SLC25A48: variants seen among roughly 807,000 people sequenced by gnomAD.
SLC25A48 encodes the protein solute carrier family 25 member 48.
A neutral mutation model predicts 32.2 loss-of-function variants in SLC25A48; 29 were observed. The observed-to-expected ratio is 0.90, with a 90% CI of 0.67 to 1.23. The LOEUF (loss-of-function observed/expected upper bound fraction) is 1.23. Among genes scored for constraint, SLC25A48 ranks in the 50% most tolerant of loss-of-function variants. The pLI, the probability that SLC25A48 is intolerant of heterozygous loss-of-function variation, is 0.00. For missense variants in SLC25A48, 399 were observed against 422.7 expected, an observed-to-expected ratio of 0.94 and a Z score of 0.49; for synonymous variants, 164 against 172.3, an observed-to-expected ratio of 0.95 and a Z score of 0.38.
chr5:135,792,957 A>T (rs1185493080), intron 3 of SLC25A48, among the ~76,000 whole-genome samples: 1 of 151,404 alleles, frequency 6.6e-6, no homozygotes, highest in Non-Finnish European at 1.5e-5. Flanking sequence ...GTCACAGTGG[A>T]TATACACCAT....
chr5:135,630,519 C>T (rs536047426), intron 2 of SLC25A48, among the ~76,000 whole-genome samples: 1 of 148,732 alleles, frequency 6.7e-6, no homozygotes, highest in South Asian at 2.2e-4. Context: ...CTAAACATTC[C>T]TCTTTCTTCT....
chr5:135,677,970 A>C (rs555688424), intron 3 of SLC25A48, among the ~76,000 whole-genome samples: 1 of 152,142 alleles, frequency 6.6e-6, no homozygotes, highest in Non-Finnish European at 1.5e-5. Flanking sequence ...TTGACTTTAG[A>C]CAATTTGACT....
chr5:135,658,350 G>A (rs1373272317), intron 3 of SLC25A48, among the ~76,000 whole-genome samples: 2 of 152,158 alleles, frequency 1.3e-5, no homozygotes, highest in Non-Finnish European at 2.9e-5. Context: ...AATCTCCTTT[G>A]ACTTCGTGTC....
intron 3 of SLC25A48, among the ~76,000 whole-genome samples, chr5:135,737,924 A>G (rs1755413883): frequency 6.6e-6 from 1 of 152,300 alleles, no homozygotes; most frequent in Non-Finnish European, 1.5e-5. Context: ...GGCCTCGGGC[A>G]CCTTCTACAG....
At chr5:135,807,469 G>T (rs1757489488) in intron 3 of SLC25A48, among the ~76,000 whole-genome samples, 1 of 150,228 alleles carries the variant, frequency 6.7e-6, no homozygotes, top group South Asian at 2.1e-4. Flanking sequence ...ATGTCATAGT[G>T]TGTTAACACT....
At chr5:135,760,682 C>T (rs535040711) in intron 3 of SLC25A48, among the ~76,000 whole-genome samples, 27 of 152,192 alleles carry the variant, frequency 1.8e-4, no homozygotes, top group Admixed American at 1.4e-3. Flanking sequence ...CTAAGTCACC[C>T]GGGAAATTGA....
chr5:135,752,487 C>T (rs960715424), intron 3 of SLC25A48, among the ~76,000 whole-genome samples: 3 of 152,206 alleles, frequency 2.0e-5, no homozygotes, highest in Non-Finnish European at 4.4e-5. Flanking sequence ...ATGGTGTACA[C>T]CCACTGTGAT....
At chr5:135,857,697 T>C (rs1172988974) in intron 4 of SLC25A48, among the ~76,000 whole-genome samples, 1 of 151,948 alleles carries the variant, frequency 6.6e-6, no homozygotes, top group African/African-American at 2.4e-5. Context: ...GGAAATACAA[T>C]GGGCTGTCAG....
intron 3 of SLC25A48, among the ~76,000 whole-genome samples, chr5:135,753,587 G>C (rs879776097): frequency 8.6e-5 from 13 of 151,640 alleles, no homozygotes; most frequent in Admixed American, 8.5e-4. Context: ...AATATCTCAA[G>C]AATATTATGC....
At chr5:135,598,368 A>G (rs1266364285) in intron 1 of SLC25A48, among the ~76,000 whole-genome samples, 1 of 152,206 alleles carries the variant, frequency 6.6e-6, no homozygotes. Flanking sequence ...TGTGCCAGGA[A>G]CTTGGACCAC....
chr5:135,665,150 T>G (rs1211235873), intron 3 of SLC25A48, among the ~76,000 whole-genome samples: 2 of 152,262 alleles, frequency 1.3e-5, no homozygotes, highest in East Asian at 1.9e-4. Flanking sequence ...CATTGTAGTT[T>G]TAATTTGCAT....
At chr5:135,801,041 A>G (rs532895842) in intron 3 of SLC25A48, among the ~76,000 whole-genome samples, 1 of 151,740 alleles carries the variant, frequency 6.6e-6, no homozygotes, top group African/African-American at 2.4e-5. Flanking sequence ...CATAATATCT[A>G]GGCGGGAAGA....
chr5:135,666,593 A>G (rs1016903182), intron 3 of SLC25A48, among the ~76,000 whole-genome samples: 2 of 152,102 alleles, frequency 1.3e-5, no homozygotes, highest in Non-Finnish European at 2.9e-5. Flanking sequence ...ACTCTGGGAC[A>G]TGAAGGCCCT....
chr5:135,610,505 C>A (rs567835686), intron 1 of SLC25A48, among the ~76,000 whole-genome samples: 1 of 152,082 alleles, frequency 6.6e-6, no homozygotes, highest in Non-Finnish European at 1.5e-5. Context: ...CTTTCCATGT[C>A]CTTTCCAGGG....
intron 3 of SLC25A48, among the ~76,000 whole-genome samples, chr5:135,667,834 G>A (rs907515389): frequency 2.0e-5 from 3 of 152,170 alleles, no homozygotes; most frequent in Non-Finnish European, 4.4e-5. Context: ...AAATAGTAAT[G>A]TTTTCACAGG....
At chr5:135,885,821 C>T (rs1229842704) in intron 7 of SLC25A48, among the ~76,000 whole-genome samples, 3 of 152,182 alleles carry the variant, frequency 2.0e-5, no homozygotes, top group East Asian at 3.8e-4. Flanking sequence ...GTTGAACAAA[C>T]AGCCACTAAA....
At chr5:135,858,855 G>A (rs1019940189) in intron 4 of SLC25A48, among the ~76,000 whole-genome samples, 3 of 152,208 alleles carry the variant, frequency 2.0e-5, no homozygotes, top group African/African-American at 7.2e-5. Flanking sequence ...AGGGTTGGGT[G>A]TGAATTCTGT....
intron 3 of SLC25A48, among the ~76,000 whole-genome samples, chr5:135,759,870 C>T (rs1756019145): frequency 6.6e-6 from 1 of 150,810 alleles, no homozygotes; most frequent in Non-Finnish European, 1.5e-5. Flanking sequence ...CACTCTGTCG[C>T]CCAGCCTGGA....
At chr5:135,598,513 T>C (rs116561403) in intron 1 of SLC25A48, among the ~76,000 whole-genome samples, 245 of 152,270 alleles carry the variant, frequency 1.6e-3, no homozygotes, top group African/African-American at 5.7e-3. Context: ...TCATTTCTTA[T>C]AAAGGGTTGC....
Sources: allele counts gnomAD v4.1 joint callset (sites outside exome capture counted in the v4.1 genomes callset), GRCh38; gene constraint gnomAD v4.1.1; transcripts MANE v1.5; gene names NCBI Gene and HGNC (gene_info 2026-07-23, HGNC 2026-07-21).